TMEM131L: variants seen among roughly 807,000 people sequenced by gnomAD.
TMEM131L encodes the protein transmembrane 131 like, also known as transmembrane protein 131-like.
TMEM131L carries 54 observed loss-of-function variants against 192.2 expected under a neutral mutation model. The ratio of observed to expected loss-of-function variants is 0.28; its 90% confidence interval spans 0.23 to 0.35. The LOEUF (loss-of-function observed/expected upper bound fraction) is 0.35, where lower values mean the gene tolerates loss of function less well. Among genes scored for constraint, TMEM131L ranks in the 10% least tolerant of loss-of-function variants. The pLI is 1.00. For synonymous variants in TMEM131L, 701 were observed against 704.9 expected, an observed-to-expected ratio of 0.99 and a Z score of 0.09; for missense variants, 1,888 against 1,972.9, an observed-to-expected ratio of 0.96 and a Z score of 0.82.
At chr4:153,611,621 A>G (rs1265024537) in intron 25 of TMEM131L, among the ~76,000 whole-genome samples, 1 of 152,202 alleles carries the variant, frequency 6.6e-6, no homozygotes, top group Admixed American at 6.5e-5. Context: ...CCATTACATA[A>G]TAAATACCCA....
intron 3 of TMEM131L, among the ~76,000 whole-genome samples, chr4:153,491,135 T>C (rs1323521680): frequency 7.9e-5 from 12 of 152,178 alleles, no homozygotes; most frequent in Admixed American, 3.3e-4. Context: ...TTGCTGAGTT[T>C]AAGGCCTGTC....
rs1419635686 is a variant in TMEM131L at position 153,557,080 on chromosome 4, C to T, written c.547C>T (p.His183Tyr). Residue 183 changes from histidine (H) to tyrosine (Y), a missense_variant and splice_region_variant, in exon 6 of 35, where the codon CAT becomes TAT. His to Tyr is a moderately conservative substitution (Grantham distance 83). Coordinates refer to ENST00000409959, the MANE Select transcript of TMEM131L (RefSeq NM_001131007.2). ...NTSSYGVLSY[H>Y]VSGIGTRRIS... The stretch of plus-strand genomic sequence containing the variant: ...CTCTTCGTATGGAGTCCTTTCCTAT[C>T]ATGTGAGTAACTTTTTCCTTTTGTC... The T allele has an allele frequency of 7.4e-7, 1 of 1,356,756 alleles. No individual in the cohort carries two copies. Among genetic ancestry groups the T allele is most frequent in the African/African-American group, 1.5e-5 (1 of 68,502 alleles). 84.0% of individuals were successfully genotyped at this position (1,356,756 alleles called of 1,614,324 possible). A position where few individuals can be genotyped will look rare whatever the true frequency, so the allele number is the denominator to read the frequency against.
chr4:153,587,785 A>C lies in TMEM131L; in HGVS notation c.1526A>C (p.His509Pro), dbSNP rs779200174. The change falls in exon 15 of 35, where the codon CAT becomes CCT. Residue 509 changes from histidine to proline, a missense_variant. By Grantham distance (77) the His-to-Pro change is moderately conservative. Coordinates refer to ENST00000409959, the MANE Select transcript of TMEM131L (RefSeq NM_001131007.2). ...GAAGTGATAGCACATTGTGGCATGC[A>C]TTATTTCATGGGAAAATCAAAAGCA... ...GFEVIAHCGM[H>P]YFMGKSKAGN... The C allele has an allele frequency of 6.2e-6, 10 of 1,613,600 alleles. No homozygotes were observed. In the Admixed American group the frequency reaches 1.5e-4, roughly 24 times the overall value.
Position 153,602,325 on chromosome 4 carries a change from G to A in TMEM131L, c.2440G>A (p.Asp814Asn), listed in dbSNP as rs371503083. Residue 814 changes from aspartate to asparagine, a missense_variant, in exon 22 of 35, where the codon GAT (aspartate) becomes AAT (asparagine). Transcript: ENST00000409959. Reference sequence around the variant, plus strand: ...TTCCCTGGACCCAAACACATCCCGCGATATCAGCATTGTGTAAGCATTGGG... The same window carrying A: ...TTCCCTGGACCCAAACACATCCCGCAATATCAGCATTGTGTAAGCATTGGG... ...QFSLDPNTSR[D>N]ISIVFTPDFT... The A allele has an allele frequency of 3.1e-6, 5 of 1,613,352 alleles. No homozygotes were observed. Among genetic ancestry groups the A allele is most frequent in the East Asian group, 4.5e-5 (2 of 44,884 alleles).
intron 3 of TMEM131L, among the ~76,000 whole-genome samples, chr4:153,477,667 G>A (rs1033776415): frequency 1.3e-5 from 2 of 152,118 alleles, no homozygotes; most frequent in African/African-American, 2.4e-5. Flanking sequence ...ATATATACAT[G>A]TGTATAATCT....
rs1358706763 is a variant in TMEM131L, at chr4:153,556,929, G to A, written c.433-37G>A. 9 of 919,636 alleles carry A rather than the reference G, an allele frequency of 9.8e-6. 1 individual carries two copies. The highest frequency in any genetic ancestry group is 2.2e-4 in the Middle Eastern group (1 of 4,588). The allele number at this position is 919,636 out of a possible 1,614,324, so 57.0% of individuals were successfully genotyped here. A position where few individuals can be genotyped will look rare whatever the true frequency, so the allele number is the denominator to read the frequency against. On this transcript the variant is annotated intron_variant, in intron 5 of 34. Transcript: ENST00000409959. Reference sequence around the variant, plus strand: ...TGTGAAAGACAGTTTATCAAAGGAGGCCATTCCAAGTGGCTGACTGGGGAC... The same window carrying A: ...TGTGAAAGACAGTTTATCAAAGGAGACCATTCCAAGTGGCTGACTGGGGAC...
intron 3 of TMEM131L, among the ~76,000 whole-genome samples, chr4:153,530,394 G>T (rs1398273333): frequency 6.6e-6 from 1 of 152,140 alleles, no homozygotes; most frequent in Admixed American, 6.5e-5. Flanking sequence ...ATATTATTAG[G>T]TATGGTACAG....
intron 3 of TMEM131L, among the ~76,000 whole-genome samples, chr4:153,488,273 T>G (rs1217015144): frequency 6.6e-6 from 1 of 152,116 alleles, no homozygotes; most frequent in East Asian, 1.9e-4. Flanking sequence ...AGGATATTAC[T>G]TAAGGCAAAA....
intron 11 of TMEM131L, 38 bp downstream of exon 11, chr4:153,583,710 T>G (rs1730517917): frequency 8.3e-7 from 1 of 1,206,848 alleles, no homozygotes. Context: ...TGACTTTTGT[T>G]ATCTGGTTGT....
At chr4:153,606,950 G>A (rs1222975291) in intron 25 of TMEM131L, among the ~76,000 whole-genome samples, 7 of 152,192 alleles carry the variant, frequency 4.6e-5, no homozygotes, top group African/African-American at 2.4e-5. Context: ...ACATGGACAT[G>A]CATTTTGTTC....
Position 153,633,084 on chromosome 4 carries a change from A to G in TMEM131L, c.4328+246A>G, listed in dbSNP as rs1734327447. 2.0e-5 allele frequency among the ~76,000 whole-genome samples: 3 copies of G among 152,188 alleles called. No homozygotes were observed. In the South Asian group the frequency reaches 6.2e-4, roughly 31 times the overall value. ...GTTATTTTTTAAAAACGTCTTTAAA[A>G]AAGACGATTTTTTCATATATTAGAG... On this transcript the variant is annotated intron_variant, in intron 32 of 34. Transcript: ENST00000409959.
At chr4:153,515,293 C>T (rs960908838) in intron 3 of TMEM131L, among the ~76,000 whole-genome samples, 10 of 152,232 alleles carry the variant, frequency 6.6e-5, no homozygotes, top group African/African-American at 2.2e-4. Context: ...AATCTACTTT[C>T]TGTCTCTATA....
intron 15 of TMEM131L, among the ~76,000 whole-genome samples, chr4:153,588,494 A>G (rs1730851071): frequency 6.6e-6 from 1 of 150,928 alleles, no homozygotes; most frequent in Non-Finnish European, 1.5e-5. Context: ...CCTTTCAAGA[A>G]CTACTGTTTT....
intron 3 of TMEM131L, among the ~76,000 whole-genome samples, chr4:153,500,446 A>C (rs1277886448): frequency 1.3e-5 from 2 of 152,156 alleles, no homozygotes; most frequent in African/African-American, 4.8e-5. Context: ...TAGTGGATAG[A>C]GTGATTCTGT....
intron 16 of TMEM131L, 99 bp downstream of exon 16, chr4:153,589,106 A>C: frequency 1.5e-6 from 1 of 665,972 alleles, no homozygotes; most frequent in Non-Finnish European, 2.7e-6. Context: ...CCCCCCTCTC[A>C]CCCCACCGTA....
intron 3 of TMEM131L, among the ~76,000 whole-genome samples, chr4:153,546,169 G>T (rs971396366): frequency 1.3e-5 from 2 of 151,680 alleles, no homozygotes; most frequent in African/African-American, 4.8e-5. Context: ...GGGATTACAG[G>T]TGTGAGCCAC....
chr4:153,622,826 C>T, intron 28 of TMEM131L, 72 bp from the exon 29 acceptor site: 1 of 1,499,190 alleles, frequency 6.7e-7, no homozygotes. Context: ...CCTGTCACCT[C>T]TCTCTTTCTG....
chr4:153,511,785 A>G (rs1249590946), intron 3 of TMEM131L, among the ~76,000 whole-genome samples: 1 of 152,202 alleles, frequency 6.6e-6, no homozygotes. Flanking sequence ...TTCTACAGAG[A>G]CTGACCTGAT....
chr4:153,572,400 G>A (rs905085849), intron 7 of TMEM131L, among the ~76,000 whole-genome samples: 7 of 151,972 alleles, frequency 4.6e-5, no homozygotes, highest in Non-Finnish European at 1.0e-4. Context: ...GCGTGATCTC[G>A]GCTCACTGCA....
Sources: gnomAD v4.1 joint callset for allele counts (sites outside exome capture counted in the v4.1 genomes callset) on GRCh38, gnomAD v4.1.1 for gene constraint, MANE v1.5 for transcripts, NCBI Gene and HGNC (gene_info 2026-07-23, HGNC 2026-07-21) for gene names.